The following GUCY1A2 variants were observed in gnomAD, a reference collection of about 807,000 sequenced individuals.
The protein encoded by GUCY1A2 is guanylate cyclase soluble subunit alpha-2.
Under a neutral mutation model 63.5 loss-of-function variants are expected in GUCY1A2, and 27 were observed. The ratio of observed to expected loss-of-function variants is 0.43; its 90% CI spans 0.31 to 0.59. The LOEUF is 0.59. Ranked by LOEUF, GUCY1A2 falls within the 20% of genes least tolerant of loss-of-function variation. GUCY1A2 has a pLI of 0.11. For missense variants in GUCY1A2, 768 were observed against 913.3 expected (o/e 0.84, Z 2.05); for synonymous variants, 364 against 343.5 (o/e 1.06, Z -0.66).
At chr11:106,808,289 T>A (rs941619501) in intron 5 of GUCY1A2, among the ~76,000 whole-genome samples, 5 of 152,098 alleles carry the variant, frequency 3.3e-5, no homozygotes, top group African/African-American at 1.2e-4. Flanking sequence ...TATATTTATA[T>A]AAACATTTTG....
At chr11:106,992,924 C>T (rs1167084800) in intron 1 of GUCY1A2, among the ~76,000 whole-genome samples, 1 of 152,168 alleles carries the variant, frequency 6.6e-6, no homozygotes, top group East Asian at 1.9e-4. Context: ...CAGATCCTCA[C>T]CACCATAATC....
rs550560092 is a variant in GUCY1A2, at chr11:106,840,885, C to G, written c.1207-30407G>C. 1.3e-3 allele frequency among the ~76,000 whole-genome samples: 199 copies of G among 151,980 alleles called. 1 individual carries two copies. The highest frequency in any genetic ancestry group is 4.5e-3 in the African/African-American group (186 of 41,506). ...ATTTTGAGAAAAATTCATTCTTGTG[C>G]TTATTTCTCAGAAAAACTTTAGAAA... On this transcript the variant is annotated intron_variant, in intron 4 of 7. Coordinates refer to ENST00000526355, the MANE Select transcript of GUCY1A2 (RefSeq NM_000855.3).
chr11:106,827,344 A>G (rs1858985641), intron 4 of GUCY1A2: 1 of 1,560,088 alleles, frequency 6.4e-7, no homozygotes, highest in South Asian at 1.1e-5. Context: ...TGCATCGAAG[A>G]AAGTATTCCC....
intron 1 of GUCY1A2, among the ~76,000 whole-genome samples, chr11:106,992,905 C>T (rs1409952542): frequency 1.3e-5 from 2 of 152,100 alleles, no homozygotes. Flanking sequence ...GTGTTCCTTT[C>T]TGTTAGGCCA....
chr11:106,848,884 A>G (rs1409545415), intron 4 of GUCY1A2, among the ~76,000 whole-genome samples: 2 of 151,554 alleles, frequency 1.3e-5, no homozygotes, highest in Admixed American at 1.3e-4. Flanking sequence ...TATTTTCAGC[A>G]TTTGTTTTTA....
intron 5 of GUCY1A2, among the ~76,000 whole-genome samples, chr11:106,784,125 C>T (rs1225483987): frequency 6.6e-6 from 1 of 152,146 alleles, no homozygotes; most frequent in Non-Finnish European, 1.5e-5. Context: ...ACATTTCTTC[C>T]TCCACCAGCA....
rs190372953 is a variant in GUCY1A2 at position 106,948,632 on chromosome 11, T to C, written c.488-8454A>G. Among the ~76,000 whole-genome samples, 479 of 152,324 alleles carry C rather than the reference T, an allele frequency of 3.1e-3. 1 individual carries two copies. The highest frequency in any genetic ancestry group is 7.0e-3 in the African/African-American group (293 of 41,594). On this transcript the variant is annotated intron_variant, in intron 3 of 7. Coordinates refer to ENST00000526355, the MANE Select transcript of GUCY1A2 (RefSeq NM_000855.3). Reference sequence around the variant, plus strand: ...TTGACAAGTATGCTTGCTATCATCGTTTTCAATATTATCTTGGAGGTTCTA... The same window carrying C: ...TTGACAAGTATGCTTGCTATCATCGCTTTCAATATTATCTTGGAGGTTCTA...
intron 3 of GUCY1A2, among the ~76,000 whole-genome samples, chr11:106,958,743 T>A (rs1861022500): frequency 6.6e-6 from 1 of 152,148 alleles, no homozygotes; most frequent in Non-Finnish European, 1.5e-5. Flanking sequence ...TAAGGGGAGC[T>A]AACATGAGAA....
intron 6 of GUCY1A2, among the ~76,000 whole-genome samples, chr11:106,745,801 C>G (rs1219198442): frequency 6.6e-6 from 1 of 152,184 alleles, no homozygotes; most frequent in Non-Finnish European, 1.5e-5. Flanking sequence ...ATGAATTCTT[C>G]AAACATTTCT....
chr11:106,977,159 C>G (rs1477092438), intron 3 of GUCY1A2, among the ~76,000 whole-genome samples: 2 of 152,164 alleles, frequency 1.3e-5, no homozygotes, highest in Non-Finnish European at 2.9e-5. Context: ...TATTAAACAT[C>G]CCTTCACTGA....
intron 1 of GUCY1A2, among the ~76,000 whole-genome samples, chr11:107,015,888 A>C (rs1027116670): frequency 2.6e-5 from 4 of 152,226 alleles, no homozygotes; most frequent in African/African-American, 9.6e-5. Context: ...TTCTAGGTTA[A>C]TGATGAAAGA....
chr11:106,810,533 A>G (rs1401817301), intron 4 of GUCY1A2, 55 bp from the exon 5 acceptor site: 2 of 1,406,596 alleles, frequency 1.4e-6, no homozygotes, highest in Non-Finnish European at 1.9e-6. Context: ...AGGTTCACAA[A>G]ATTTAATATA....
At chr11:106,868,496 C>A (rs563629630) in intron 4 of GUCY1A2, among the ~76,000 whole-genome samples, 2 of 152,226 alleles carry the variant, frequency 1.3e-5, no homozygotes, top group South Asian at 2.1e-4. Context: ...TGAGTGAACT[C>A]CCATTCACAA....
At chr11:106,844,837 A>G (rs1185644948) in intron 4 of GUCY1A2, among the ~76,000 whole-genome samples, 1 of 151,886 alleles carries the variant, frequency 6.6e-6, no homozygotes, top group Non-Finnish European at 1.5e-5. Context: ...ATCAAGAACA[A>G]TATCTTACTC....
intron 5 of GUCY1A2, among the ~76,000 whole-genome samples, chr11:106,801,379 T>G (rs1442317812): frequency 1.3e-5 from 2 of 152,138 alleles, no homozygotes; most frequent in East Asian, 3.9e-4. Context: ...TCAAAGTTGT[T>G]GGAGAGACCG....
chr11:106,675,554 T>A lies in GUCY1A2; in HGVS notation c.*11995A>T, dbSNP rs1037617171. 4 of 195,782 alleles carry A rather than the reference T, an allele frequency of 2.0e-5. No individual in the cohort carries two copies. The highest frequency in any genetic ancestry group is 6.9e-5 in the African/African-American group (3 of 43,178). The allele number at this position is 195,782 out of a possible 1,614,324, so 12.1% of individuals were successfully genotyped here. On this transcript the variant is annotated 3_prime_UTR_variant, in exon 8 of 8. Transcript: ENST00000526355. ...ATAGAGGGAAAAATGGGACTGTGGA[T>A]TACAACTGTTCAAATTTCATCTTAA...
chr11:107,014,601 C>T (rs927138046), intron 1 of GUCY1A2, among the ~76,000 whole-genome samples: 2 of 152,150 alleles, frequency 1.3e-5, no homozygotes, highest in African/African-American at 4.8e-5. Context: ...TTATACTCAA[C>T]ATCGGTGCAT....
intron 4 of GUCY1A2, among the ~76,000 whole-genome samples, chr11:106,874,461 T>C (rs2135466558): frequency 6.6e-6 from 1 of 152,298 alleles, no homozygotes; most frequent in African/African-American, 2.4e-5. Context: ...GCCTATCTTA[T>C]GTCACAGTCT....
At chr11:106,940,213 C>A (rs778266075) in intron 3 of GUCY1A2, 35 bp from the exon 4 acceptor site, 1 of 940,922 alleles carries the variant, frequency 1.1e-6, no homozygotes, top group South Asian at 1.5e-5. Context: ...TTAGTGAAGT[C>A]TAATATAAAT....
Sources: allele counts gnomAD v4.1 joint callset (sites outside exome capture counted in the v4.1 genomes callset), GRCh38; gene constraint gnomAD v4.1.1; transcripts MANE v1.5; gene names NCBI Gene and HGNC (gene_info 2026-07-23, HGNC 2026-07-21).